The following PRAM1 variants were observed in gnomAD, a reference collection of about 807,000 sequenced individuals.
The protein encoded by PRAM1 is PML-RARA-regulated adapter molecule 1.
A neutral mutation model predicts 55.3 loss-of-function variants in PRAM1; 41 were observed. The ratio of observed to expected loss-of-function variants is 0.74; its 90% CI spans 0.58 to 0.96. The LOEUF is 0.96. PRAM1 is among the 40% of genes least tolerant of loss of function. PRAM1 has a pLI of 0.00. For synonymous variants in PRAM1, 401 were observed against 387.1 expected, an observed-to-expected ratio of 1.04 and a Z score of -0.42; for missense variants, 898 against 892.7, an observed-to-expected ratio of 1.01 and a Z score of -0.08.
rs75166452 is a variant in PRAM1 at position 8,493,197 on chromosome 19, G to A, written c.1577-2040C>T. On this transcript the variant is annotated intron_variant, in intron 4 of 9. Coordinates refer to ENST00000423345, the MANE Select transcript of PRAM1 (RefSeq NM_032152.5). This position sits in a 1 kb window ranked among gnomAD's most constrained non-coding sequence, Gnocchi z 4.1. ...TCAGGTGGGAGCCCCAGGAACCCTG[G>A]TGAGTGAAAGATCCAGAACCCAGAG... is the stretch of plus-strand genomic sequence containing the variant. Among the ~76,000 whole-genome samples the A allele has an allele frequency of 0.029, 4,485 of 152,218 alleles. 106 individuals are homozygous for A. The highest frequency in any genetic ancestry group is 0.054 in the Admixed American group (821 of 15,284).
At chr19:8,497,594 G>T (rs1007703065) in intron 4 of PRAM1, among the ~76,000 whole-genome samples, 170 bp downstream of exon 4, 1 of 152,162 alleles carries the variant, frequency 6.6e-6, no homozygotes, top group African/African-American at 2.4e-5. Flanking sequence ...CCACACCTCT[G>T]CCTACAACAG....
intron 4 of PRAM1, among the ~76,000 whole-genome samples, chr19:8,496,445 C>T (rs1426988275): frequency 1.3e-5 from 2 of 151,892 alleles, no homozygotes; most frequent in African/African-American, 4.8e-5. Flanking sequence ...AAATATAAGG[C>T]CGGGCGCGGT....
At chr19:8,500,755 G>T (rs995506715) in intron 1 of PRAM1, among the ~76,000 whole-genome samples, 1 of 151,988 alleles carries the variant, frequency 6.6e-6, no homozygotes, top group African/African-American at 2.4e-5. Context: ...GCCATCCAAG[G>T]CCACCCTATT....
chr19:8,491,073 T>C (rs551015108), intron 5 of PRAM1, 27 bp downstream of exon 5: 2 of 1,612,102 alleles, frequency 1.2e-6, no homozygotes, highest in South Asian at 1.1e-5. Flanking sequence ...TCGCCCCCCG[T>C]CTGCCCACCC....
Position 8,490,976 on chromosome 19 carries a change from G to C in PRAM1, c.1654C>G (p.Pro552Ala). 1.2e-6 allele frequency: 2 copies of C among 1,613,424 alleles called. No individual in the cohort carries two copies. The highest frequency in any genetic ancestry group is 1.7e-6 in the Non-Finnish European group (2 of 1,179,900). ...GGGTCCATGGGTGGCAACTGCTGTG[G>C]CTGGGGATCCTTCTCCTTCCTGATA... ...PALRKEKDPQPQQLPPMDPKL... is the reference protein window; with the variant it reads ...PALRKEKDPQAQQLPPMDPKL... The change falls in exon 6 of 10, where the codon CCA becomes GCA. Residue 552 changes from proline (P) to alanine (A), a missense_variant. Pro to Ala is a conservative substitution (Grantham distance 27). This residue lies in a region of PRAM1 where 787 missense variants were observed against 735.4 expected (regional missense o/e 1.07). Coordinates refer to ENST00000423345, the MANE Select transcript of PRAM1 (RefSeq NM_032152.5). This position sits in a 1 kb window ranked among gnomAD's most constrained non-coding sequence, Gnocchi z 7.3.
chr19:8,492,791 G>C (rs930357862), intron 4 of PRAM1, among the ~76,000 whole-genome samples: 7 of 151,894 alleles, frequency 4.6e-5, no homozygotes, highest in African/African-American at 1.7e-4. Flanking sequence ...GAGGTCAGGA[G>C]TTTGACAGCA....
At position 8,490,554 on chromosome 19, in the gene PRAM1, G is replaced by GGCGGGGACCTCCCGGGGCT; in HGVS notation, c.1906+21_1906+39dup. On this transcript the variant is annotated intron_variant, in intron 7 of 9. Coordinates refer to ENST00000423345, the MANE Select transcript of PRAM1 (RefSeq NM_032152.5). The surrounding 1 kb of genome is among the most constrained non-coding windows in gnomAD (Gnocchi z 7.3). ...GGTGGGTTCTGAGGCCCAGGGTGGC[G>GGCGGGGACCTCCCGGGGCT]GCGGGGACCTCCCGGGGCTGCGGGG... is the stretch of plus-strand genomic sequence containing the variant. The GGCGGGGACCTCCCGGGGCT allele has an allele frequency of 6.2e-7, 1 of 1,600,266 alleles. No homozygotes were observed. The highest frequency in any genetic ancestry group is 1.1e-5 in the South Asian group (1 of 89,348).
intron 1 of PRAM1, among the ~76,000 whole-genome samples, chr19:8,500,433 A>C (rs1367422683): frequency 1.3e-5 from 2 of 150,674 alleles, no homozygotes; most frequent in East Asian, 2.0e-4. Context: ...GCCTCTGCCT[A>C]CCCCCTTCCC....
Position 8,490,193 on chromosome 19 carries a change from C to CG in PRAM1, c.2008dup (p.Arg670ProfsTer41), listed in dbSNP as rs905806061. 20 of 1,580,810 alleles carry CG rather than the reference C, an allele frequency of 1.3e-5. No homozygotes were observed. Among genetic ancestry groups the CG allele is most frequent in the Non-Finnish European group, 1.7e-5 (20 of 1,162,076 alleles). ...CTGGCCCCACGCCTACCGGTCTTAC[C>CG]GTCCCAGGGGGAGTGGTTGGTTTTC... On this transcript the variant is annotated frameshift_variant, in exon 10 of 10. Transcript: ENST00000423345. LOFTEE classifies it high-confidence loss of function. The surrounding 1 kb of genome is among the most constrained non-coding windows in gnomAD (Gnocchi z 7.3).
chr19:8,502,199 C>A (rs114450382), intron 1 of PRAM1, among the ~76,000 whole-genome samples: 1 of 152,112 alleles, frequency 6.6e-6, no homozygotes, highest in Non-Finnish European at 1.5e-5. Flanking sequence ...GGTGACTGGA[C>A]GGGGGAGGGT....
At chr19:8,495,395 C>T (rs1292550832) in intron 4 of PRAM1, among the ~76,000 whole-genome samples, 8 of 152,190 alleles carry the variant, frequency 5.3e-5, no homozygotes, top group African/African-American at 1.7e-4. Flanking sequence ...CCACCACGCC[C>T]GGCCCCAGCT....
At position 8,493,675 on chromosome 19, in the gene PRAM1, T is replaced by G. The variant is rs1971659476; in HGVS notation, c.1577-2518A>C. On this transcript the variant is annotated intron_variant, in intron 4 of 9. Coordinates refer to ENST00000423345, the MANE Select transcript of PRAM1 (RefSeq NM_032152.5). This position sits in a 1 kb window ranked among gnomAD's most constrained non-coding sequence, Gnocchi z 4.1. ...CCACTGCTCCAAGTAAGGCAGACAG[T>G]GGGAAAGGGGAGTCCAGAGTCCTGG... Among the ~76,000 whole-genome samples the G allele has an allele frequency of 6.6e-6, 1 of 151,930 alleles. No individual in the cohort carries two copies. Among genetic ancestry groups the G allele is most frequent in the Admixed American group, 6.6e-5 (1 of 15,226 alleles).
At chr19:8,498,134 C>A (rs1971726510) in intron 3 of PRAM1, 89 bp downstream of exon 3, 3 of 1,374,380 alleles carry the variant, frequency 2.2e-6, no homozygotes, top group South Asian at 2.5e-5. Context: ...CCCACTTCAG[C>A]CTCCCGAAGT....
intron 4 of PRAM1, among the ~76,000 whole-genome samples, chr19:8,497,203 G>GGAGTTTTTTTTTT (rs1971711042): frequency 1.4e-5 from 2 of 141,396 alleles, no homozygotes; most frequent in Non-Finnish European, 3.0e-5. Context: ...GAGACAGGGT[G>GGAGTTTTTTTTTT]TTTGCTGCCC....
intron 1 of PRAM1, among the ~76,000 whole-genome samples, chr19:8,502,059 T>G (rs990448635): frequency 1.3e-5 from 2 of 152,174 alleles, no homozygotes; most frequent in Non-Finnish European, 2.9e-5. Context: ...AGACCAGGAT[T>G]GCTCCTTGGA....
Position 8,490,896 on chromosome 19 carries a change from C to A in PRAM1, c.1734G>T (p.Lys578Asn). The A allele has an allele frequency of 6.2e-7, 1 of 1,613,438 alleles. No individual in the cohort carries two copies. The highest frequency in any genetic ancestry group is 8.5e-7 in the Non-Finnish European group (1 of 1,179,868). The change falls in exon 6 of 10, where the codon AAG becomes AAT. Residue 578 changes from lysine to asparagine, a missense_variant. Physicochemically the swap from Lys to Asn is moderately conservative, Grantham distance 94. Coordinates refer to ENST00000423345, the MANE Select transcript of PRAM1 (RefSeq NM_032152.5). The surrounding 1 kb of genome is among the most constrained non-coding windows in gnomAD (Gnocchi z 7.3). ...KAEKAEREFR[K>N]KFKFEGEIVV... ...AGCTCAGAGGCCTCACCTTGAACTT[C>A]TTCCGGAACTCCCTCTCGGCCTTCT...
chr19:8,501,885 A>C (rs1395311037), intron 1 of PRAM1, among the ~76,000 whole-genome samples: 1 of 152,154 alleles, frequency 6.6e-6, no homozygotes, highest in Admixed American at 6.5e-5. Flanking sequence ...CTGGCCCTGC[A>C]ACCACTCCTC....
Position 8,493,348 on chromosome 19 carries a change from C to T in PRAM1, c.1577-2191G>A, listed in dbSNP as rs1452859926. On this transcript the variant is annotated intron_variant, in intron 4 of 9. Transcript: ENST00000423345. This position sits in a 1 kb window ranked among gnomAD's most constrained non-coding sequence, Gnocchi z 4.1. ...GCCAGATACCAGGCATGGCCATCCA[C>T]AGTCTCACCTGGAACACACAGCCCC... Among the ~76,000 whole-genome samples, 1 of 152,234 alleles carries T rather than the reference C, an allele frequency of 6.6e-6. No individual in the cohort carries two copies. The highest frequency in any genetic ancestry group is 1.5e-5 in the Non-Finnish European group (1 of 68,044).
rs746078484 is a variant in PRAM1 at position 8,499,320 on chromosome 19, G to A, written c.488C>T (p.Pro163Leu). The A allele has an allele frequency of 4.7e-5, 76 of 1,609,918 alleles. No homozygotes were observed. The highest frequency in any genetic ancestry group is 5.9e-5 in the Non-Finnish European group (69 of 1,178,536). The change falls in exon 2 of 10, where the codon CCG becomes CTG. Residue 163 changes from proline to leucine, a missense_variant. Coordinates refer to ENST00000423345, the MANE Select transcript of PRAM1 (RefSeq NM_032152.5). Reference protein sequence around the residue: ...LKASLPEPGAPARKPLQPDEL... With the variant: ...LKASLPEPGALARKPLQPDEL... Reference sequence around the variant, plus strand: ...GTCGGGCTGCAGGGGTTTCCGGGCCGGCGCACCAGGCTCCGGCAGCGAGGC... The same window carrying A: ...GTCGGGCTGCAGGGGTTTCCGGGCCAGCGCACCAGGCTCCGGCAGCGAGGC...
Sources: allele counts gnomAD v4.1 joint callset (sites outside exome capture counted in the v4.1 genomes callset), GRCh38; gene constraint gnomAD v4.1.1; regional missense constraint gnomAD v4.1.1; non-coding constraint Gnocchi (gnomAD v3.1); transcripts MANE v1.5; gene names NCBI Gene and HGNC (gene_info 2026-07-23, HGNC 2026-07-21).